SLC4A10: variants seen among roughly 807,000 people sequenced by gnomAD.
The protein encoded by SLC4A10 is sodium-driven chloride bicarbonate exchanger.
Under a neutral mutation model 137.7 loss-of-function variants are expected in SLC4A10, and 42 were observed. That is an observed-to-expected ratio of 0.30 (90% CI 0.24 to 0.39). The LOEUF (loss-of-function observed/expected upper bound fraction) is 0.39, where lower values mean the gene tolerates loss of function less well. Ranked by LOEUF, SLC4A10 falls within the 10% of genes least tolerant of loss-of-function variation. The pLI is 1.00. For missense variants in SLC4A10, 925 were observed against 1,355.0 expected, an observed-to-expected ratio of 0.68 and a Z score of 4.98; for synonymous variants, 474 against 464.1, an observed-to-expected ratio of 1.02 and a Z score of -0.27.
chr2:161,957,294 T>G, intron 20 of SLC4A10, 54 bp downstream of exon 20: 1 of 1,548,864 alleles, frequency 6.5e-7, no homozygotes, highest in Non-Finnish European at 8.7e-7. Flanking sequence ...TATCATCATT[T>G]AAAATTTTCA....
chr2:161,717,887 C>T (rs1397425340), intron 1 of SLC4A10, among the ~76,000 whole-genome samples: 1 of 152,070 alleles, frequency 6.6e-6, no homozygotes, highest in East Asian at 1.9e-4. Flanking sequence ...CTCTTTGTAC[C>T]TCTGGTAGAA....
intron 1 of SLC4A10, among the ~76,000 whole-genome samples, chr2:161,741,133 T>C (rs1175148566): frequency 6.6e-6 from 1 of 151,618 alleles, no homozygotes; most frequent in Non-Finnish European, 1.5e-5. Context: ...AGTGTTGTAG[T>C]GGGCACCTGA....
At chr2:161,662,335 GTAAT>G (rs532431503) in intron 1 of SLC4A10, among the ~76,000 whole-genome samples, 273 of 152,042 alleles carry the variant, frequency 1.8e-3, no homozygotes, top group African/African-American at 6.4e-3. Flanking sequence ...CCTTAAAATT[GTAAT>G]TTATTATAAT....
chr2:161,712,770 A>G (rs2044430637), intron 1 of SLC4A10, among the ~76,000 whole-genome samples: 1 of 151,886 alleles, frequency 6.6e-6, no homozygotes, highest in African/African-American at 2.4e-5. Context: ...GCATTTTATT[A>G]CATCTCTGAA....
intron 2 of SLC4A10, among the ~76,000 whole-genome samples, chr2:161,798,890 G>A (rs945425661): frequency 1.7e-4 from 25 of 147,618 alleles, no homozygotes; most frequent in African/African-American, 6.3e-4. Flanking sequence ...TGAAGTATTA[G>A]TTGAAGAAGG....
intron 1 of SLC4A10, among the ~76,000 whole-genome samples, chr2:161,756,043 A>G (rs922290143): frequency 6.6e-6 from 1 of 152,068 alleles, no homozygotes; most frequent in African/African-American, 2.4e-5. Flanking sequence ...TGCTGGGATT[A>G]CGGGCTTGAG....
chr2:161,690,808 C>G (rs372779102), intron 1 of SLC4A10, among the ~76,000 whole-genome samples: 15 of 151,824 alleles, frequency 9.9e-5, no homozygotes, highest in African/African-American at 3.6e-4. Flanking sequence ...GGAGGAGGGA[C>G]AGCATCAGGA....
intron 3 of SLC4A10, 89 bp from the exon 4 acceptor site, chr2:161,839,700 G>T (rs1575217347): frequency 6.9e-7 from 1 of 1,450,786 alleles, no homozygotes; most frequent in Non-Finnish European, 9.5e-7. Flanking sequence ...TGCGAGCTTG[G>T]GGTGGTGCTG....
intron 1 of SLC4A10, among the ~76,000 whole-genome samples, chr2:161,746,888 G>A (rs375140136): frequency 6.6e-6 from 1 of 152,090 alleles, no homozygotes; most frequent in East Asian, 1.9e-4. Context: ...GAGAAGCTAC[G>A]GCCTGGAATG....
chr2:161,753,144 A>G (rs977500094), intron 1 of SLC4A10, among the ~76,000 whole-genome samples: 7 of 152,120 alleles, frequency 4.6e-5, no homozygotes, highest in Non-Finnish European at 1.0e-4. Context: ...ACAATTCATA[A>G]TCTTTGCTCA....
intron 3 of SLC4A10, among the ~76,000 whole-genome samples, chr2:161,818,101 C>G (rs1354484014): frequency 1.3e-5 from 2 of 152,080 alleles, no homozygotes; most frequent in African/African-American, 4.8e-5. Context: ...ATTGATTCTT[C>G]CTACCCATGA....
chr2:161,848,713 G>C (rs748933598), intron 4 of SLC4A10, among the ~76,000 whole-genome samples: 3 of 151,994 alleles, frequency 2.0e-5, no homozygotes, highest in Non-Finnish European at 4.4e-5. Flanking sequence ...CTATTTCTGG[G>C]TCCTTTAACC....
intron 1 of SLC4A10, among the ~76,000 whole-genome samples, chr2:161,724,920 G>A (rs1371447501): frequency 2.0e-5 from 3 of 152,122 alleles, no homozygotes; most frequent in Admixed American, 6.5e-5. Context: ...CATTATTAGA[G>A]TCATTGATTT....
chr2:161,648,650 G>T (rs984406113), intron 1 of SLC4A10, among the ~76,000 whole-genome samples: 3 of 152,172 alleles, frequency 2.0e-5, no homozygotes, highest in African/African-American at 7.2e-5. Flanking sequence ...CACTGTTTCA[G>T]TTTGGTGACT....
chr2:161,821,651 A>AT (rs955659685), intron 3 of SLC4A10, among the ~76,000 whole-genome samples: 5 of 152,054 alleles, frequency 3.3e-5, no homozygotes, highest in African/African-American at 7.2e-5. Flanking sequence ...TAACAGGAAG[A>AT]TTTTTTCTGA....
Position 161,804,350 on chromosome 2 carries a change from T to A in SLC4A10, c.131-99T>A, listed in dbSNP as rs753970081. On this transcript the variant is annotated intron_variant, in intron 2 of 26. Coordinates refer to ENST00000446997, the MANE Select transcript of SLC4A10 (RefSeq NM_001178015.2). ...ATCATAAACATCAAAAATGACTTGCTGAATTAAATTAAATTGAGTCTCCAT... is the reference window on the plus strand; with the variant it reads ...ATCATAAACATCAAAAATGACTTGCAGAATTAAATTAAATTGAGTCTCCAT... 3.1e-4 allele frequency: 410 copies of A among 1,308,108 alleles called. 1 individual carries two copies. The highest frequency in any genetic ancestry group is 4.0e-4 in the Non-Finnish European group (382 of 964,196). The allele number at this position is 1,308,108 out of a possible 1,614,324, so 81.0% of individuals were successfully genotyped here.
chr2:161,707,513 G>A (rs775491967), intron 1 of SLC4A10, among the ~76,000 whole-genome samples: 9 of 145,516 alleles, frequency 6.2e-5, no homozygotes, highest in Non-Finnish European at 1.1e-4. Flanking sequence ...ACAACCTTTT[G>A]TCACACGGTA....
intron 1 of SLC4A10, among the ~76,000 whole-genome samples, chr2:161,647,057 AC>A (rs2036152768): frequency 6.6e-6 from 1 of 152,008 alleles, no homozygotes; most frequent in African/African-American, 2.4e-5. Flanking sequence ...TCAAAAATCA[AC>A]TTTTTCTTCT....
intron 1 of SLC4A10, chr2:161,710,871 A>C (rs770899013): frequency 1.5e-5 from 4 of 271,248 alleles, no homozygotes; most frequent in African/African-American, 6.7e-5. Context: ...AGAAAAAGTC[A>C]TTTCCTGCTT....
Sources: allele counts gnomAD v4.1 joint callset (sites outside exome capture counted in the v4.1 genomes callset), GRCh38; gene constraint gnomAD v4.1.1; transcripts MANE v1.5; gene names NCBI Gene and HGNC (gene_info 2026-07-23, HGNC 2026-07-21).